RUFY2: variants seen among roughly 807,000 people sequenced by gnomAD.
The protein encoded by RUFY2 is RUN and FYVE domain-containing protein 2.
RUFY2 carries 49 observed loss-of-function variants against 94.4 expected under a neutral mutation model. The ratio of observed to expected loss-of-function variants is 0.52; its 90% CI spans 0.41 to 0.66. The LOEUF (loss-of-function observed/expected upper bound fraction) is 0.66, where lower values mean the gene tolerates loss of function less well. Ranked by LOEUF, RUFY2 falls within the 30% of genes least tolerant of loss-of-function variation. RUFY2 has a pLI of 0.00. For missense variants in RUFY2, 541 were observed against 692.8 expected (o/e 0.78, Z 2.46); for synonymous variants, 255 against 235.7 (o/e 1.08, Z -0.75).
At chr10:68,365,758 G>C (rs1339333982) in intron 13 of RUFY2, among the ~76,000 whole-genome samples, 1 of 151,978 alleles carries the variant, frequency 6.6e-6, no homozygotes, top group Non-Finnish European at 1.5e-5. Flanking sequence ...GATAAAACTG[G>C]TTTCATTTAG....
chr10:68,391,111 T>A (rs2049949635), intron 7 of RUFY2, among the ~76,000 whole-genome samples: 1 of 151,194 alleles, frequency 6.6e-6, no homozygotes, highest in Non-Finnish European at 1.5e-5. Context: ...ATTTTTGTAT[T>A]TTTTAGTAGA....
chr10:68,352,342 G>A lies in RUFY2; in HGVS notation c.1599+3011C>T, dbSNP rs115408329. Reference sequence around the variant, plus strand: ...CTGAAAGATGTGTTGCCGAAAATAAGGGAGTATACAAAGAGAGAAGTTAGG... The same window carrying A: ...CTGAAAGATGTGTTGCCGAAAATAAAGGAGTATACAAAGAGAGAAGTTAGG... On this transcript the variant is annotated intron_variant, in intron 16 of 17. Transcript: ENST00000602465. 6.3e-3 allele frequency among the ~76,000 whole-genome samples: 963 copies of A among 152,210 alleles called. 17 individuals carry two copies. Among genetic ancestry groups the A allele is most frequent in the African/African-American group, 0.022 (926 of 41,546 alleles).
intron 2 of RUFY2, among the ~76,000 whole-genome samples, chr10:68,404,390 T>TA (rs2051108657): frequency 1.3e-5 from 2 of 152,214 alleles, no homozygotes; most frequent in South Asian, 4.1e-4. Flanking sequence ...AATAACTCTA[T>TA]AATTGTCCTA....
intron 8 of RUFY2, among the ~76,000 whole-genome samples, chr10:68,385,510 C>T (rs1184844124): frequency 2.0e-5 from 3 of 151,980 alleles, no homozygotes. Flanking sequence ...CATGATCATG[C>T]AGTGATGCCT....
chr10:68,380,871 C>A (rs1027306058), intron 11 of RUFY2, among the ~76,000 whole-genome samples: 1 of 151,726 alleles, frequency 6.6e-6, no homozygotes, highest in Admixed American at 6.6e-5. Context: ...CAAAAAAAAA[C>A]AAAGAAAGAA....
chr10:68,358,284 G>A (rs963272536), intron 15 of RUFY2, among the ~76,000 whole-genome samples: 7 of 152,144 alleles, frequency 4.6e-5, no homozygotes, highest in African/African-American at 1.7e-4. Flanking sequence ...TGAATCAAAT[G>A]ATATATCAGA....
chr10:68,341,365 A>G, downstream of RUFY2: 1 of 1,531,516 alleles, frequency 6.5e-7, no homozygotes, highest in Non-Finnish European at 8.9e-7. Context: ...TTATAAAATA[A>G]GAGGCTCTAA....
In RUFY2 at chr10:68,394,785, G is replaced by A. The variant is rs558653368; in HGVS notation, c.399-334C>T. ...GCTGGGACTACAGGTGCCCGCCACCGCACCCGGCTAATTTTTTGTATTTTT... is the reference window on the plus strand; with the variant it reads ...GCTGGGACTACAGGTGCCCGCCACCACACCCGGCTAATTTTTTGTATTTTT... On this transcript the variant is annotated intron_variant, in intron 4 of 17. Coordinates refer to ENST00000602465, the MANE Select transcript of RUFY2 (RefSeq NM_001330103.2). Among the ~76,000 whole-genome samples the A allele has an allele frequency of 2.0e-4, 30 of 151,292 alleles. No homozygotes were observed. The South Asian group carries it at 4.6e-3, about 23-fold the overall frequency.
At chr10:68,381,129 T>C (rs929213314) in intron 11 of RUFY2, 103 bp downstream of exon 11, 51 of 769,154 alleles carry the variant, frequency 6.6e-5, no homozygotes, top group Non-Finnish European at 1.0e-4. Flanking sequence ...CTTTATAATA[T>C]TGCACAGTTA....
intron 12 of RUFY2, chr10:68,377,998 C>G: frequency 1.0e-6 from 1 of 985,256 alleles, no homozygotes; most frequent in Non-Finnish European, 1.2e-6. Context: ...GGATTGGACC[C>G]AAGCTTTTCT....
intron 10 of RUFY2, among the ~76,000 whole-genome samples, chr10:68,381,947 T>C (rs1265021863): frequency 2.0e-5 from 3 of 152,340 alleles, no homozygotes; most frequent in African/African-American, 7.2e-5. Flanking sequence ...GAATTAATCA[T>C]TTTTATGCTT....
chr10:68,368,114 T>C (rs1173635306), intron 13 of RUFY2, among the ~76,000 whole-genome samples: 5 of 151,662 alleles, frequency 3.3e-5, no homozygotes, highest in African/African-American at 1.2e-4. Context: ...TACAGGCGCC[T>C]GCCACCATGC....
chr10:68,346,296 AAAC>A lies in RUFY2; in HGVS notation c.1600-215_1600-213del, dbSNP rs545279731. ...AGGTGGGATGTGGATTAAGTATAAA[AAAC>A]AAGATTGCAGCCAGGCGACAATGGC... is the stretch of plus-strand genomic sequence containing the variant. On this transcript the variant is annotated intron_variant, in intron 16 of 17. Coordinates refer to ENST00000602465, the MANE Select transcript of RUFY2 (RefSeq NM_001330103.2). 3.8e-3 allele frequency: 1,806 copies of A among 475,716 alleles called. 6 individuals carry two copies. The highest frequency in any genetic ancestry group is 5.5e-3 in the Non-Finnish European group (1,503 of 272,164). 29.5% of individuals were successfully genotyped at this position (475,716 alleles called of 1,614,324 possible). A position where few individuals can be genotyped will look rare whatever the true frequency, so the allele number is the denominator to read the frequency against.
At chr10:68,390,398 A>G (rs949719448) in intron 7 of RUFY2, among the ~76,000 whole-genome samples, 1 of 152,198 alleles carries the variant, frequency 6.6e-6, no homozygotes, top group Non-Finnish European at 1.5e-5. Flanking sequence ...TCACCCAGAG[A>G]ATATTTTACT....
Position 68,400,546 on chromosome 10 carries a change from T to G in RUFY2, c.296+1074A>C, listed in dbSNP as rs554160730. ...AAAAAATCAGCCAGGCATGGTGGCA[T>G]GCACCTGTAATCCCAGCTACTCGGG... On this transcript the variant is annotated intron_variant, in intron 3 of 17. Coordinates refer to ENST00000602465, the MANE Select transcript of RUFY2 (RefSeq NM_001330103.2). 3.2e-3 allele frequency among the ~76,000 whole-genome samples: 469 copies of G among 147,514 alleles called. 2 individuals are homozygous for G. Among genetic ancestry groups the G allele is most frequent in the Admixed American group, 9.0e-3 (132 of 14,726 alleles).
At chr10:68,381,073 T>C (rs1332888729) in intron 11 of RUFY2, among the ~76,000 whole-genome samples, 159 bp downstream of exon 11, 1 of 152,156 alleles carries the variant, frequency 6.6e-6, no homozygotes, top group Non-Finnish European at 1.5e-5. Flanking sequence ...GATACCTTTT[T>C]CATTACATTT....
chr10:68,364,163 AGTT>A (rs765215032), intron 13 of RUFY2, 50 bp from the exon 14 acceptor site: 4 of 1,560,838 alleles, frequency 2.6e-6, no homozygotes, highest in Non-Finnish European at 3.5e-6. Context: ...CTCACACGAC[AGTT>A]GTTATGTATT....
intron 13 of RUFY2, among the ~76,000 whole-genome samples, chr10:68,367,277 T>C (rs2047916670): frequency 6.6e-6 from 1 of 152,232 alleles, no homozygotes; most frequent in African/African-American, 2.4e-5. Context: ...GTTTCAAGAC[T>C]GTATTCTACT....
downstream of RUFY2, chr10:68,342,081 T>A (rs762371921): frequency 1.9e-6 from 3 of 1,551,216 alleles, no homozygotes; most frequent in East Asian, 4.5e-5. Context: ...ATACAAGTCT[T>A]GACAACAGCA....
Sources: allele counts gnomAD v4.1 joint callset (sites outside exome capture counted in the v4.1 genomes callset), GRCh38; gene constraint gnomAD v4.1.1; transcripts MANE v1.5; gene names NCBI Gene and HGNC (gene_info 2026-07-23, HGNC 2026-07-21).